Variants in TXNL1 observed in about 807,000 individuals in gnomAD.
TXNL1 encodes the protein thioredoxin-like protein 1.
TXNL1 carries 14 observed loss-of-function variants against 35.5 expected under a neutral mutation model. The observed-to-expected ratio is 0.39, with a 90% CI of 0.26 to 0.62. TXNL1 has a LOEUF of 0.62. Ranked by LOEUF, TXNL1 falls within the 20% of genes least tolerant of loss-of-function variation. The probability of loss-of-function intolerance (pLI) is 0.47; values close to 1 mark genes in which losing one functional copy is unlikely to be tolerated. For synonymous variants in TXNL1, 110 were observed against 115.5 expected, an observed-to-expected ratio of 0.95 and a Z score of 0.31; for missense variants, 263 against 349.7, an observed-to-expected ratio of 0.75 and a Z score of 1.98.
At chr18:56,626,797 C>T (rs908914625) in intron 1 of TXNL1, among the ~76,000 whole-genome samples, 162 of 54,998 alleles carry the variant, frequency 2.9e-3, no homozygotes, top group South Asian at 4.7e-3. Flanking sequence ...CCAAGCCGGT[C>T]TTTTTTTTTT....
chr18:56,615,470 TG>T (rs5825193), intron 5 of TXNL1, among the ~76,000 whole-genome samples: 53 of 136,322 alleles, frequency 3.9e-4, no homozygotes, highest in African/African-American at 1.2e-3. Flanking sequence ...AAAGAAAAAA[TG>T]GGGGGGGGCA....
At chr18:56,609,137 T>C (rs2023950384) in intron 7 of TXNL1, 2 of 152,088 alleles carry the variant, frequency 1.3e-5, no homozygotes, top group South Asian at 4.1e-4. Flanking sequence ...ATAGCCCACA[T>C]AAACAAAAGT....
At chr18:56,626,689 G>T (rs1174583005) in intron 1 of TXNL1, among the ~76,000 whole-genome samples, 5 of 149,598 alleles carry the variant, frequency 3.3e-5, no homozygotes, top group African/African-American at 1.3e-4. Context: ...TAGAGACATG[G>T]TTTCACTGGG....
intron 1 of TXNL1, among the ~76,000 whole-genome samples, chr18:56,635,429 T>TA (rs1266257246): frequency 6.6e-6 from 1 of 152,204 alleles, no homozygotes; most frequent in Non-Finnish European, 1.5e-5. Context: ...GTTATGCAGT[T>TA]ATAAAGAAGA....
At chr18:56,636,779 A>G (rs1424020123) in intron 1 of TXNL1, among the ~76,000 whole-genome samples, 1 of 152,194 alleles carries the variant, frequency 6.6e-6, no homozygotes, top group Non-Finnish European at 1.5e-5. Flanking sequence ...GAAAAACAAT[A>G]TATCATTGAG....
At chr18:56,627,479 T>G (rs2144325827) in intron 1 of TXNL1, among the ~76,000 whole-genome samples, 1 of 152,316 alleles carries the variant, frequency 6.6e-6, no homozygotes, top group Middle Eastern at 3.4e-3. Flanking sequence ...TTATCAGATC[T>G]TAAGAACTAT....
Position 56,624,523 on chromosome 18 carries a change from C to T in TXNL1, c.196-62G>A, listed in dbSNP as rs1318484805. ...TCTTAAACCACTTTGAATATTCATT[C>T]TACACCTTTATGGAAGTTAAATACC... is the stretch of plus-strand genomic sequence containing the variant. On this transcript the variant is annotated intron_variant, in intron 2 of 7. Transcript: ENST00000217515. 12 of 1,512,928 alleles carry T rather than the reference C, an allele frequency of 7.9e-6. No homozygotes were observed. The African/African-American group carries it at 1.2e-4, about 16-fold the overall frequency. 93.7% of individuals were successfully genotyped at this position (1,512,928 alleles called of 1,614,324 possible).
Position 56,638,512 on chromosome 18 carries a change from G to C in TXNL1, c.-72C>G, listed in dbSNP as rs2024495989. 4.1e-6 allele frequency: 6 copies of C among 1,478,980 alleles called. No individual in the cohort carries two copies. The highest frequency in any genetic ancestry group is 5.5e-6 in the Non-Finnish European group (6 of 1,087,712). The allele number at this position is 1,478,980 out of a possible 1,614,324, so 91.6% of individuals were successfully genotyped here. ...AACTGAAGGAGAAGACGATCTGGGA[G>C]AGGAAGGAGAGATGCTCAGGAAGGC... On this transcript the variant is annotated 5_prime_UTR_variant, in exon 1 of 8. Coordinates refer to ENST00000217515, the MANE Select transcript of TXNL1 (RefSeq NM_004786.3).
At chr18:56,616,745 G>A (rs1306197572) in intron 4 of TXNL1, among the ~76,000 whole-genome samples, 1 of 152,170 alleles carries the variant, frequency 6.6e-6, no homozygotes, top group Non-Finnish European at 1.5e-5. Flanking sequence ...GTTATGCAGA[G>A]ACTAGCCCTG....
At chr18:56,634,012 A>C (rs963154595) in intron 1 of TXNL1, among the ~76,000 whole-genome samples, 10 of 143,142 alleles carry the variant, frequency 7.0e-5, no homozygotes, top group Admixed American at 2.8e-4. Context: ...AAAAAAAATC[A>C]TTCACACTGT....
chr18:56,636,656 G>C (rs1272569466), intron 1 of TXNL1, among the ~76,000 whole-genome samples: 1 of 152,038 alleles, frequency 6.6e-6, no homozygotes, highest in Admixed American at 6.6e-5. Flanking sequence ...ATGCTTAAGT[G>C]ACACCACACT....
At position 56,602,378 on chromosome 18, in the gene TXNL1, T is replaced by TTA. The variant is rs2023821662; in HGVS notation, c.*647_*648dup. ...ACTGTCTGATTTCCACATTCTTCTA[T>TTA]TAGTTAAAAAAAAAAAAAAAAAAAA... On this transcript the variant is annotated 3_prime_UTR_variant, in exon 8 of 8. Coordinates refer to ENST00000217515, the MANE Select transcript of TXNL1 (RefSeq NM_004786.3). The TTA allele has an allele frequency of 1.3e-5, 1 of 78,866 alleles. No homozygotes were observed. Among genetic ancestry groups the TTA allele is most frequent in the Non-Finnish European group, 2.8e-5 (1 of 35,528 alleles). 4.9% of individuals were successfully genotyped at this position (78,866 alleles called of 1,614,324 possible).
intron 2 of TXNL1, among the ~76,000 whole-genome samples, chr18:56,625,343 T>C (rs931403847): frequency 6.6e-6 from 1 of 152,122 alleles, no homozygotes; most frequent in Admixed American, 6.5e-5. Context: ...TAAAATCAAG[T>C]TTAATATTAC....
chr18:56,638,452 G>C lies in TXNL1; in HGVS notation c.-12C>G. 1 of 1,608,622 alleles carries C rather than the reference G, an allele frequency of 6.2e-7. No individual in the cohort carries two copies. The highest frequency in any genetic ancestry group is 8.5e-7 in the Non-Finnish European group (1 of 1,176,550). On this transcript the variant is annotated 5_prime_UTR_variant, in exon 1 of 8. Transcript: ENST00000217515. Reference sequence around the variant, plus strand: ...TTCACCCCCACCATCCTCACAGAGAGCCCGGCAGGGTGGCCGCGACGCCAC... The same window carrying C: ...TTCACCCCCACCATCCTCACAGAGACCCCGGCAGGGTGGCCGCGACGCCAC...
chr18:56,628,023 G>T (rs1403116642), intron 1 of TXNL1, among the ~76,000 whole-genome samples: 1 of 152,010 alleles, frequency 6.6e-6, no homozygotes, highest in Non-Finnish European at 1.5e-5. Context: ...TACAAAACAA[G>T]GAGAAGACTG....
intron 7 of TXNL1, among the ~76,000 whole-genome samples, chr18:56,607,050 C>T (rs1307342129): frequency 6.6e-6 from 1 of 152,010 alleles, no homozygotes; most frequent in African/African-American, 2.4e-5. Flanking sequence ...AGTGTAGTGG[C>T]GTGATCCTAG....
At chr18:56,603,281 G>GTT (rs34882850) in intron 7 of TXNL1, among the ~76,000 whole-genome samples, 20 of 120,350 alleles carry the variant, frequency 1.7e-4, no homozygotes, top group African/African-American at 1.4e-4. Context: ...GTTTCACACA[G>GTT]TTTTTTTTTT....
In TXNL1 at chr18:56,630,091, C is replaced by T. The variant is rs1056075369; in HGVS notation, c.99-3634G>A. Among the ~76,000 whole-genome samples the T allele has an allele frequency of 5.3e-5, 8 of 151,408 alleles. No individual in the cohort carries two copies. In the South Asian group the frequency reaches 6.3e-4, roughly 12 times the overall value. On this transcript the variant is annotated intron_variant, in intron 1 of 7. Coordinates refer to ENST00000217515, the MANE Select transcript of TXNL1 (RefSeq NM_004786.3). Reference sequence around the variant, plus strand: ...GCGGATGCCTATAGTCCCAGCTATTCGGGAGGCTGAGGAAGGAGAATCACT... The same window carrying T: ...GCGGATGCCTATAGTCCCAGCTATTTGGGAGGCTGAGGAAGGAGAATCACT...
At chr18:56,616,632 T>G (rs2024091488) in intron 4 of TXNL1, among the ~76,000 whole-genome samples, 1 of 152,124 alleles carries the variant, frequency 6.6e-6, no homozygotes, top group Non-Finnish European at 1.5e-5. Flanking sequence ...CAAACAAAAT[T>G]CTCAAAATAA....
Sources: allele counts gnomAD v4.1 joint callset (sites outside exome capture counted in the v4.1 genomes callset), GRCh38; gene constraint gnomAD v4.1.1; transcripts MANE v1.5; gene names NCBI Gene and HGNC (gene_info 2026-07-23, HGNC 2026-07-21).